The following DCDC1 variants were observed in gnomAD, a reference collection of about 807,000 sequenced individuals.
The protein encoded by DCDC1 is doublecortin domain-containing protein 1.
In DCDC1, 200 loss-of-function variants were observed where a neutral mutation model predicts 178.3. The ratio of observed to expected loss-of-function variants is 1.12; its 90% CI spans 1.00 to 1.26. The LOEUF is 1.26. Ranked by LOEUF, DCDC1 falls within the 50% of genes most tolerant of loss-of-function variation. DCDC1 has a pLI of 0.00. For synonymous variants in DCDC1, 690 were observed against 604.8 expected, an observed-to-expected ratio of 1.14 and a Z score of -2.07; for missense variants, 1,983 against 1,749.2, an observed-to-expected ratio of 1.13 and a Z score of -2.38.
Position 31,306,400 on chromosome 11 carries a change from GA to G in DCDC1, c.435-13del. Reference sequence around the variant, plus strand: ...AGAACTCTGCAACCCTGAAGAAAAAGAAAAACAGAAAAATTGATGCATGCTA... The same window carrying G: ...AGAACTCTGCAACCCTGAAGAAAAAGAAAACAGAAAAATTGATGCATGCTA... On this transcript the variant is annotated splice_polypyrimidine_tract_variant and intron_variant, in intron 4 of 38. Coordinates refer to ENST00000684477, the MANE Select transcript of DCDC1 (RefSeq NM_001387274.1). 1 of 1,570,254 alleles carries G rather than the reference GA, an allele frequency of 6.4e-7. No individual in the cohort carries two copies. The highest frequency in any genetic ancestry group is 1.2e-5 in the South Asian group (1 of 83,122).
chr11:31,135,653 C>T (rs1440608419), intron 10 of DCDC1, among the ~76,000 whole-genome samples: 1 of 152,112 alleles, frequency 6.6e-6, no homozygotes, highest in African/African-American at 2.4e-5. Context: ...CATACACATA[C>T]ATGAATATGT....
At chr11:30,982,978 G>A (rs76929558) in intron 20 of DCDC1, among the ~76,000 whole-genome samples, 3 of 152,148 alleles carry the variant, frequency 2.0e-5, no homozygotes, top group Non-Finnish European at 2.9e-5. Flanking sequence ...TGAATCATCC[G>A]GATCATCAAA....
chr11:31,045,110 A>C (rs1200950855), intron 20 of DCDC1, among the ~76,000 whole-genome samples: 1 of 152,118 alleles, frequency 6.6e-6, no homozygotes, highest in African/African-American at 2.4e-5. Context: ...TATACTTTAT[A>C]TATCTATTTG....
intron 36 of DCDC1, among the ~76,000 whole-genome samples, chr11:30,886,969 T>A (rs1411867917): frequency 6.6e-6 from 1 of 152,046 alleles, no homozygotes; most frequent in Non-Finnish European, 1.5e-5. Context: ...CAGAAAAAAA[T>A]ATATAAATAA....
chr11:31,228,945 G>A (rs1370393160), intron 9 of DCDC1, among the ~76,000 whole-genome samples: 5 of 152,036 alleles, frequency 3.3e-5, no homozygotes, highest in Admixed American at 3.3e-4. Flanking sequence ...TTATTGAGTA[G>A]TATGCTCACT....
chr11:31,173,907 C>A (rs148153536), intron 9 of DCDC1, among the ~76,000 whole-genome samples: 1 of 152,094 alleles, frequency 6.6e-6, no homozygotes, highest in Non-Finnish European at 1.5e-5. Context: ...ATGAGAGTGG[C>A]GGCCTGTCTA....
At chr11:30,878,485 T>C in intron 38 of DCDC1, 59 bp downstream of exon 38, 1 of 1,356,690 alleles carries the variant, frequency 7.4e-7, no homozygotes, top group Non-Finnish European at 9.7e-7. Context: ...TGCATGAAAA[T>C]AAAAGAGATA....
intron 37 of DCDC1, among the ~76,000 whole-genome samples, chr11:30,880,332 C>G (rs1050369566): frequency 7.9e-5 from 12 of 152,266 alleles, no homozygotes; most frequent in Non-Finnish European, 1.6e-4. Context: ...CCTAATAAAT[C>G]CCGTCTCCCT....
intron 23 of DCDC1, among the ~76,000 whole-genome samples, chr11:30,924,198 T>G (rs183154097): frequency 2.0e-5 from 3 of 152,162 alleles, no homozygotes; most frequent in Non-Finnish European, 4.4e-5. Flanking sequence ...CCACAGTGAA[T>G]AGCACAGCAG....
chr11:31,035,798 C>T (rs1049798003), intron 20 of DCDC1, among the ~76,000 whole-genome samples: 9 of 152,156 alleles, frequency 5.9e-5, no homozygotes, highest in Non-Finnish European at 1.5e-5. Context: ...TATACTGTTC[C>T]GATGTTGATT....
chr11:31,236,937 T>G lies in DCDC1; in HGVS notation c.1221+4513A>C, dbSNP rs150377680. Among the ~76,000 whole-genome samples, 1,205 of 152,100 alleles carry G rather than the reference T, an allele frequency of 7.9e-3. 5 individuals carry two copies. The highest frequency in any genetic ancestry group is 0.011 in the Non-Finnish European group (744 of 67,904). ...ACAGAAAATGAAATAGAGATAGTTA[T>G]TCATTCAATGATGTAGAACCAATAA... On this transcript the variant is annotated intron_variant, in intron 9 of 38. Transcript: ENST00000684477.
intron 21 of DCDC1, among the ~76,000 whole-genome samples, chr11:30,941,491 T>G (rs1947638315): frequency 6.6e-6 from 1 of 152,190 alleles, no homozygotes; most frequent in South Asian, 2.1e-4. Context: ...GTTGTTTACA[T>G]TTCCTGGCAT....
Position 31,027,887 on chromosome 11 carries a change from A to G in DCDC1, c.2591+36582T>C, listed in dbSNP as rs573489066. Reference sequence around the variant, plus strand: ...TGAACTCAAATTTTATGTGCCCACAATGCACCTGAATTAAAGTTTTCAGGA... The same window carrying G: ...TGAACTCAAATTTTATGTGCCCACAGTGCACCTGAATTAAAGTTTTCAGGA... On this transcript the variant is annotated intron_variant, in intron 20 of 38. Coordinates refer to ENST00000684477, the MANE Select transcript of DCDC1 (RefSeq NM_001387274.1). Among the ~76,000 whole-genome samples the G allele has an allele frequency of 6.6e-5, 10 of 152,006 alleles. No homozygotes were observed. In the East Asian group the frequency reaches 9.7e-4, roughly 15 times the overall value.
chr11:31,340,677 A>G (rs1432031451), intron 1 of DCDC1, among the ~76,000 whole-genome samples: 1 of 152,120 alleles, frequency 6.6e-6, no homozygotes, highest in African/African-American at 2.4e-5. Context: ...CTTTTATAGA[A>G]AAAAGACTGA....
intron 7 of DCDC1, among the ~76,000 whole-genome samples, chr11:31,272,916 G>T (rs1289763315): frequency 6.6e-6 from 1 of 152,200 alleles, no homozygotes; most frequent in African/African-American, 2.4e-5. Flanking sequence ...GGAACTCTGT[G>T]TAGGGACTCA....
intron 1 of DCDC1, among the ~76,000 whole-genome samples, chr11:31,349,036 T>A (rs75583398): frequency 3.3e-5 from 5 of 151,864 alleles, no homozygotes; most frequent in East Asian, 1.9e-4. Context: ...TATTTTTTTT[T>A]AAGTGGGGAG....
chr11:31,081,821 T>C (rs1957195066), intron 17 of DCDC1, among the ~76,000 whole-genome samples: 1 of 152,082 alleles, frequency 6.6e-6, no homozygotes, highest in African/African-American at 2.4e-5. Flanking sequence ...ATAAATGTTG[T>C]CCCTAAATTT....
At position 31,315,358 on chromosome 11, in the gene DCDC1, C is replaced by A. The variant is rs965150157; in HGVS notation, c.165-7450G>T. Among the ~76,000 whole-genome samples, 57 of 126,946 alleles carry A rather than the reference C, an allele frequency of 4.5e-4. No homozygotes were observed. The Admixed American group carries it at 4.7e-3, about 11-fold the overall frequency. 83.3% of individuals were successfully genotyped at this position (126,946 alleles called of 152,430 possible). A position where few individuals can be genotyped will look rare whatever the true frequency, so the allele number is the denominator to read the frequency against. On this transcript the variant is annotated intron_variant, in intron 3 of 38. Coordinates refer to ENST00000684477, the MANE Select transcript of DCDC1 (RefSeq NM_001387274.1). ...TTTGAGACAGAGTCTCGCTCTGTCA[C>A]CCAGGCTGGAGTACAGTGGTACAGT... is the stretch of plus-strand genomic sequence containing the variant.
At chr11:31,322,535 G>A (rs959670340) in intron 3 of DCDC1, among the ~76,000 whole-genome samples, 9 of 151,952 alleles carry the variant, frequency 5.9e-5, no homozygotes, top group Non-Finnish European at 1.2e-4. Flanking sequence ...TCTAATTTTG[G>A]CCAATGAGAC....
Sources: gnomAD v4.1 joint callset for allele counts (sites outside exome capture counted in the v4.1 genomes callset) on GRCh38, gnomAD v4.1.1 for gene constraint, MANE v1.5 for transcripts, NCBI Gene and HGNC (gene_info 2026-07-23, HGNC 2026-07-21) for gene names.